Variants in PCDHGA3 observed in about 807,000 individuals in gnomAD.
The protein encoded by PCDHGA3 is protocadherin gamma subfamily A, 3, also known as protocadherin gamma-A3.
PCDHGA3 carries 40 observed loss-of-function variants against 58.5 expected under a neutral mutation model. The ratio of observed to expected loss-of-function variants is 0.68; its 90% CI spans 0.53 to 0.89. The LOEUF (loss-of-function observed/expected upper bound fraction) is 0.89. Among genes scored for constraint, PCDHGA3 ranks in the 40% least tolerant of loss-of-function variants. The probability of loss-of-function intolerance (pLI) is 0.00; values close to 1 mark genes in which losing one functional copy is unlikely to be tolerated. For synonymous variants in PCDHGA3, 530 were observed against 525.7 expected, an observed-to-expected ratio of 1.01 and a Z score of -0.11; for missense variants, 1,223 against 1,195.9, an observed-to-expected ratio of 1.02 and a Z score of -0.33.
intron 1 of PCDHGA3, among the ~76,000 whole-genome samples, chr5:141,481,309 T>C (rs577046585): frequency 2.6e-4 from 39 of 152,310 alleles, no homozygotes; most frequent in African/African-American, 9.1e-4. Context: ...GGAAAAACCT[T>C]CCTAAAGCAC....
At chr5:141,483,737 G>A (rs1052778197) in intron 1 of PCDHGA3, among the ~76,000 whole-genome samples, 4 of 152,102 alleles carry the variant, frequency 2.6e-5, no homozygotes, top group South Asian at 2.1e-4. Context: ...TAGTCAAAAG[G>A]ATATTCCTGA....
At chr5:141,377,231 A>G (rs1773795281) in intron 1 of PCDHGA3, 2 of 152,072 alleles carry the variant, frequency 1.3e-5, no homozygotes, top group Admixed American at 1.3e-4. Flanking sequence ...GTTTTTTCCT[A>G]CTATGTGACA....
Position 141,361,670 on chromosome 5 carries a change from G to T in PCDHGA3, c.2424+15213G>T, listed in dbSNP as rs1388085140. ...TACGTGTCCGTGAGCGCGCAGAGCG[G>T]GGTGGTGTTCGCGCAGCGCGCCTTC... On this transcript the variant is annotated intron_variant, in intron 1 of 3. Coordinates refer to ENST00000253812, the MANE Select transcript of PCDHGA3 (RefSeq NM_018916.4). 71 of 1,613,684 alleles carry T rather than the reference G, an allele frequency of 4.4e-5. 1 individual carries two copies. The highest frequency in any genetic ancestry group is 5.9e-5 in the Non-Finnish European group (70 of 1,179,914).
intron 2 of PCDHGA3, among the ~76,000 whole-genome samples, chr5:141,497,541 T>A (rs1157403777): frequency 1.1e-5 from 1 of 89,566 alleles, no homozygotes; most frequent in Admixed American, 1.2e-4. Context: ...GCAACAAACC[T>A]TTTTTTTTTT....
chr5:141,405,744 C>T (rs2094711384), intron 1 of PCDHGA3, among the ~76,000 whole-genome samples: 1 of 152,192 alleles, frequency 6.6e-6, no homozygotes, highest in African/African-American at 2.4e-5. Flanking sequence ...TCCCAAAGCA[C>T]TGGGATTACA....
chr5:141,448,426 T>C (rs892222815), intron 1 of PCDHGA3, among the ~76,000 whole-genome samples: 1 of 152,164 alleles, frequency 6.6e-6, no homozygotes, highest in Non-Finnish European at 1.5e-5. Context: ...ATACTATGTA[T>C]ATATTGAGAA....
At chr5:141,413,867 T>TTG in intron 1 of PCDHGA3, 1 of 1,613,428 alleles carries the variant, frequency 6.2e-7, no homozygotes, top group Non-Finnish European at 8.5e-7. Flanking sequence ...GGCACTGTCC[T>TTG]TGTCAGTGTG....
chr5:141,441,126 C>A (rs1319809408), intron 1 of PCDHGA3: 2 of 152,062 alleles, frequency 1.3e-5, no homozygotes, highest in Admixed American at 1.3e-4. Context: ...CAGTTGAGAC[C>A]GAATTTCTAG....
chr5:141,375,192 A>G, intron 1 of PCDHGA3: 3 of 1,613,952 alleles, frequency 1.9e-6, no homozygotes, highest in South Asian at 2.2e-5. Context: ...GCCCTTTTTC[A>G]AGTGTTCGAT....
At chr5:141,383,471 A>G in intron 1 of PCDHGA3, 1 of 1,613,632 alleles carries the variant, frequency 6.2e-7, no homozygotes, top group South Asian at 1.1e-5. Flanking sequence ...GAAACTAAGT[A>G]CCCGGAACTG....
intron 1 of PCDHGA3, chr5:141,400,466 C>T: frequency 6.2e-7 from 1 of 1,614,024 alleles, no homozygotes; most frequent in Non-Finnish European, 8.5e-7. Context: ...TGTGGTGATT[C>T]ATCTGGGGCC....
At chr5:141,362,214 T>G in intron 1 of PCDHGA3, 7 of 1,613,984 alleles carry the variant, frequency 4.3e-6, no homozygotes, top group Non-Finnish European at 5.9e-6. Context: ...TTTACCTGGT[T>G]GTGGCCTTGG....
At chr5:141,414,738 C>T in intron 1 of PCDHGA3, 1 of 1,614,238 alleles carries the variant, frequency 6.2e-7, no homozygotes, top group Non-Finnish European at 8.5e-7. Context: ...TGTATGCACT[C>T]AGATCCTTCG....
In PCDHGA3 at chr5:141,356,268, C is replaced by T. The variant is rs2149790492; in HGVS notation, c.2424+9811C>T. The T allele has an allele frequency of 1.3e-6, 2 of 1,563,386 alleles. 1 individual carries two copies. The highest frequency in any genetic ancestry group is 2.7e-5 in the African/African-American group (2 of 73,646). ...CAGTTACATCTCTCACCAGCTCAGT[C>T]CAGGAATCTTCTTCCCCGGGTACAG... On this transcript the variant is annotated intron_variant, in intron 1 of 3. Coordinates refer to ENST00000253812, the MANE Select transcript of PCDHGA3 (RefSeq NM_018916.4).
chr5:141,389,481 C>A, intron 1 of PCDHGA3: 1 of 1,613,080 alleles, frequency 6.2e-7, no homozygotes, highest in Non-Finnish European at 8.5e-7. Context: ...ACTGCAGGCC[C>A]GCGACCAGGG....
intron 1 of PCDHGA3, among the ~76,000 whole-genome samples, chr5:141,461,004 T>C (rs2099006736): frequency 6.6e-6 from 1 of 151,664 alleles, no homozygotes; most frequent in Non-Finnish European, 1.5e-5. Context: ...TATGTGTATA[T>C]ATATATACCA....
At chr5:141,364,958 C>G in intron 1 of PCDHGA3, 1 of 1,613,958 alleles carries the variant, frequency 6.2e-7, no homozygotes, top group Non-Finnish European at 8.5e-7. Flanking sequence ...TGTTCACGAC[C>G]TCCTCCTCAC....
chr5:141,503,506 G>A (rs2099820313), intron 2 of PCDHGA3, among the ~76,000 whole-genome samples: 1 of 151,616 alleles, frequency 6.6e-6, no homozygotes, highest in African/African-American at 2.4e-5. Context: ...GGCTGAGGCA[G>A]GAGAATCACT....
chr5:141,358,540 G>C (rs191289773), intron 1 of PCDHGA3, among the ~76,000 whole-genome samples: 1 of 152,152 alleles, frequency 6.6e-6, no homozygotes, highest in Admixed American at 6.5e-5. Context: ...ATATTTTCTT[G>C]TTGCTGTTCT....
Sources: allele counts gnomAD v4.1 joint callset (sites outside exome capture counted in the v4.1 genomes callset), GRCh38; gene constraint gnomAD v4.1.1; transcripts MANE v1.5; gene names NCBI Gene and HGNC (gene_info 2026-07-23, HGNC 2026-07-21).